The following STAB2 variants were observed in gnomAD, a reference collection of about 807,000 sequenced individuals.
The protein encoded by STAB2 is stabilin-2.
STAB2 carries 288 observed loss-of-function variants against 338.1 expected under a neutral mutation model. The observed-to-expected ratio is 0.85, with a 90% CI of 0.77 to 0.94. STAB2 has a LOEUF of 0.94. Among genes scored for constraint, STAB2 ranks in the 40% least tolerant of loss-of-function variants. The pLI is 0.00. For synonymous variants in STAB2, 1,202 were observed against 1,193.3 expected (o/e 1.01, Z -0.15); for missense variants, 3,141 against 3,210.1 (o/e 0.98, Z 0.52).
chr12:103,660,864 T>A, intron 17 of STAB2, 101 bp downstream of exon 17: 1 of 1,253,810 alleles, frequency 8.0e-7, no homozygotes, highest in Non-Finnish European at 1.2e-6. Flanking sequence ...CTCATGGGCT[T>A]AAAATCTTTA....
intron 23 of STAB2, 93 bp downstream of exon 23, chr12:103,674,180 C>G (rs1034460881): frequency 3.6e-5 from 50 of 1,403,054 alleles, no homozygotes; most frequent in Non-Finnish European, 4.8e-5. Context: ...TAGACGGAGC[C>G]AACCCATATC....
intron 3 of STAB2, among the ~76,000 whole-genome samples, chr12:103,617,025 G>T (rs530194223): frequency 2.6e-5 from 4 of 152,062 alleles, no homozygotes; most frequent in African/African-American, 9.7e-5. Context: ...CTTTAACAAG[G>T]CCCTTTCTTC....
chr12:103,645,215 A>G (rs1025148777), intron 9 of STAB2, among the ~76,000 whole-genome samples: 5 of 152,266 alleles, frequency 3.3e-5, no homozygotes, highest in Non-Finnish European at 7.3e-5. Context: ...CTCCTAATAA[A>G]AAGAAAACAA....
intron 9 of STAB2, among the ~76,000 whole-genome samples, chr12:103,643,928 C>G (rs558435025): frequency 9.7e-6 from 1 of 103,426 alleles, no homozygotes; most frequent in Non-Finnish European, 2.1e-5. Flanking sequence ...CCCCTCTGCC[C>G]GGCCAGCCGC....
intron 31 of STAB2, 69 bp downstream of exon 31, chr12:103,692,958 A>T (rs879200794): frequency 9.1e-5 from 103 of 1,129,858 alleles, no homozygotes; most frequent in Admixed American, 6.0e-4. Flanking sequence ...CCTATACAGC[A>T]TTTTTTTTTT....
rs1956786918 is a variant in STAB2 at position 103,590,898 on chromosome 12, C to T, written c.83C>T (p.Ala28Val). ...TTCTTTTTTTTAATATTTACACAGGCAAGAAGATGTGATAGGAAGTCTCTT... is the reference window on the plus strand; with the variant it reads ...TTCTTTTTTTTAATATTTACACAGGTAAGAAGATGTGATAGGAAGTCTCTT... ...FCSPAETTGQ[A>V]RRCDRKSLLT... The change falls in exon 2 of 69, where the codon GCA becomes GTA. Residue 28 changes from alanine to valine, a missense_variant and splice_region_variant. Coordinates refer to ENST00000388887, the MANE Select transcript of STAB2 (RefSeq NM_017564.10). The T allele has an allele frequency of 6.2e-7, 1 of 1,614,008 alleles. No homozygotes were observed. The highest frequency in any genetic ancestry group is 1.1e-5 in the South Asian group (1 of 91,064).
intron 40 of STAB2, among the ~76,000 whole-genome samples, chr12:103,711,724 T>C (rs890009076): frequency 1.3e-5 from 2 of 152,284 alleles, no homozygotes; most frequent in Admixed American, 6.5e-5. Context: ...CCATCTGACT[T>C]ACCTGGCACA....
At chr12:103,756,996 A>AAAAT (rs1215468922) in intron 63 of STAB2, among the ~76,000 whole-genome samples, 5 of 56,380 alleles carry the variant, frequency 8.9e-5, no homozygotes, top group African/African-American at 3.1e-4. Flanking sequence ...AAGGAGGGAA[A>AAAAT]ATATATATAT....
chr12:103,620,401 A>C, intron 3 of STAB2, 67 bp from the exon 4 acceptor site: 1 of 1,407,846 alleles, frequency 7.1e-7, no homozygotes, highest in Non-Finnish European at 9.8e-7. Flanking sequence ...TAGGTGTTTA[A>C]GCGCATCCTT....
chr12:103,708,243 A>G (rs1879540730), intron 38 of STAB2, among the ~76,000 whole-genome samples, 198 bp from the exon 39 acceptor site: 1 of 152,176 alleles, frequency 6.6e-6, no homozygotes, highest in Admixed American at 6.5e-5. Flanking sequence ...TTGAAGCTAG[A>G]GCTAGTTCAC....
chr12:103,657,890 A>G (rs1874312448), intron 15 of STAB2: 1 of 152,214 alleles, frequency 6.6e-6, no homozygotes, highest in Non-Finnish European at 1.5e-5. Context: ...CCCATCGGCT[A>G]TGCCAATGAA....
chr12:103,587,581 T>C (rs1956729980), intron 1 of STAB2, 24 bp downstream of exon 1: 8 of 1,592,088 alleles, frequency 5.0e-6, no homozygotes, highest in Non-Finnish European at 6.9e-6. Flanking sequence ...TACATATTTT[T>C]TTCATTTGTT....
intron 3 of STAB2, among the ~76,000 whole-genome samples, chr12:103,613,091 G>T (rs866442940): frequency 4.6e-5 from 7 of 152,160 alleles, no homozygotes; most frequent in African/African-American, 1.7e-4. Context: ...GTGTCAGTCT[G>T]CCCCTACTGG....
intron 60 of STAB2, among the ~76,000 whole-genome samples, chr12:103,752,121 T>C (rs1319577893): frequency 6.6e-6 from 1 of 152,100 alleles, no homozygotes; most frequent in African/African-American, 2.4e-5. Flanking sequence ...AGAAATAATC[T>C]GAGAATTGAA....
At chr12:103,652,779 T>A in intron 12 of STAB2, 74 bp downstream of exon 12, 1 of 1,423,490 alleles carries the variant, frequency 7.0e-7, no homozygotes, top group Non-Finnish European at 9.2e-7. Context: ...TTCTCTCTCT[T>A]TTTGTTTGGG....
chr12:103,683,151 C>G, intron 25 of STAB2, 54 bp from the exon 26 acceptor site: 1 of 1,503,794 alleles, frequency 6.6e-7, no homozygotes, highest in South Asian at 1.2e-5. Context: ...GAGGGAAAGA[C>G]ATGGAAGGCA....
chr12:103,638,862 G>A (rs1957594929), intron 8 of STAB2, among the ~76,000 whole-genome samples: 1 of 152,190 alleles, frequency 6.6e-6, no homozygotes, highest in Non-Finnish European at 1.5e-5. Flanking sequence ...TTCAGTGAAG[G>A]AAATGTGTCC....
chr12:103,747,164 CA>C (rs796344956), intron 58 of STAB2, among the ~76,000 whole-genome samples: 46 of 149,884 alleles, frequency 3.1e-4, no homozygotes, highest in African/African-American at 8.1e-4. Context: ...ATCCAGCCTT[CA>C]AAAAAAAATC....
At chr12:103,698,987 G>T in intron 33 of STAB2, 109 bp from the exon 34 acceptor site, 1 of 1,360,560 alleles carries the variant, frequency 7.3e-7, no homozygotes, top group Non-Finnish European at 9.8e-7. Flanking sequence ...CTTCCACTTG[G>T]ACAAGCTGTT....
Sources: gnomAD v4.1 joint callset for allele counts (sites outside exome capture counted in the v4.1 genomes callset) on GRCh38, gnomAD v4.1.1 for gene constraint, MANE v1.5 for transcripts, NCBI Gene and HGNC (gene_info 2026-07-23, HGNC 2026-07-21) for gene names.